Variants in SSBP2 observed in about 807,000 individuals in gnomAD.
The protein encoded by SSBP2 is single-stranded DNA-binding protein 2.
Under a neutral mutation model 61.8 loss-of-function variants are expected in SSBP2, and 17 were observed. That is an observed-to-expected ratio of 0.28 (90% CI 0.19 to 0.41). SSBP2 has a LOEUF of 0.41. SSBP2 is among the 10% of genes least tolerant of loss of function. The pLI is 1.00. For synonymous variants in SSBP2, 139 were observed against 141.3 expected, an observed-to-expected ratio of 0.98 and a Z score of 0.12; for missense variants, 310 against 458.7, an observed-to-expected ratio of 0.68 and a Z score of 2.96.
intron 5 of SSBP2, among the ~76,000 whole-genome samples, chr5:81,501,203 T>C (rs1767688786): frequency 1.0e-5 from 1 of 95,774 alleles, no homozygotes; most frequent in Non-Finnish European, 2.1e-5. Context: ...AGAGGGAGAC[T>C]CCATCTCAAA....
intron 16 of SSBP2, 92 bp downstream of exon 16, chr5:81,428,493 T>TA: frequency 1.2e-6 from 1 of 857,486 alleles, no homozygotes; most frequent in Non-Finnish European, 1.9e-6. Context: ...GAACTCTAGA[T>TA]AAACAGCAGT....
intron 4 of SSBP2, among the ~76,000 whole-genome samples, chr5:81,603,424 T>C (rs1263638511): frequency 2.0e-5 from 3 of 152,202 alleles, no homozygotes; most frequent in Non-Finnish European, 4.4e-5. Flanking sequence ...AGGCTTCTTC[T>C]GACCCAGCCT....
intron 6 of SSBP2, among the ~76,000 whole-genome samples, chr5:81,479,097 A>T (rs992983645): frequency 6.6e-6 from 1 of 152,224 alleles, no homozygotes; most frequent in Admixed American, 6.5e-5. Context: ...CTAACTTTTA[A>T]AACATTTTTA....
chr5:81,445,138 T>TTATACATA (rs1763302055), intron 12 of SSBP2, among the ~76,000 whole-genome samples: 2 of 33,896 alleles, frequency 5.9e-5, no homozygotes, highest in Admixed American at 5.3e-4. Flanking sequence ...AAAAAAAATT[T>TTATACATA]TATATATATA....
At chr5:81,616,567 CAGCCGGGA>C (rs1746063941) in intron 3 of SSBP2, 1 of 148,902 alleles carries the variant, frequency 6.7e-6, no homozygotes, top group African/African-American at 2.5e-5. Context: ...GTAAACAAAG[CAGCCGGGA>C]AGCTCGAACT....
chr5:81,746,462 C>A (rs555734689), intron 1 of SSBP2, among the ~76,000 whole-genome samples: 1 of 152,078 alleles, frequency 6.6e-6, no homozygotes, highest in Admixed American at 6.5e-5. Flanking sequence ...CTTTTCTTGC[C>A]TTATTCCTTC....
intron 5 of SSBP2, among the ~76,000 whole-genome samples, chr5:81,495,736 T>G (rs1767225268): frequency 6.6e-6 from 1 of 152,210 alleles, no homozygotes. Context: ...TGTAGCAATA[T>G]ATAAGTCACC....
At chr5:81,608,696 T>C (rs1190851309) in intron 4 of SSBP2, among the ~76,000 whole-genome samples, 2 of 152,166 alleles carry the variant, frequency 1.3e-5, no homozygotes, top group Admixed American at 6.5e-5. Flanking sequence ...GATTGAGATG[T>C]TGTAAATGAA....
At chr5:81,449,863 G>A (rs576069060) in intron 10 of SSBP2, among the ~76,000 whole-genome samples, 1 of 152,306 alleles carries the variant, frequency 6.6e-6, no homozygotes, top group South Asian at 2.1e-4. Flanking sequence ...ATTCAGCACT[G>A]CAGATGGCCA....
intron 1 of SSBP2, among the ~76,000 whole-genome samples, chr5:81,734,747 A>C (rs1756482923): frequency 1.3e-5 from 2 of 152,240 alleles, no homozygotes; most frequent in African/African-American, 4.8e-5. Flanking sequence ...CGAGGCGGGC[A>C]GATCATGAGG....
At chr5:81,570,330 T>C (rs1773742307) in intron 4 of SSBP2, among the ~76,000 whole-genome samples, 1 of 152,188 alleles carries the variant, frequency 6.6e-6, no homozygotes. Context: ...TACTTTCTGG[T>C]TCATTAGTAA....
intron 1 of SSBP2, among the ~76,000 whole-genome samples, chr5:81,728,130 AC>A (rs1756013765): frequency 6.6e-6 from 1 of 152,184 alleles, no homozygotes. Flanking sequence ...CGTCCTGTGA[AC>A]CACCGTTAGT....
At chr5:81,591,853 G>GAGGAGCCA (rs140981612) in intron 4 of SSBP2, among the ~76,000 whole-genome samples, 10,576 of 152,256 alleles carry the variant, frequency 0.069, 470 homozygotes, top group Non-Finnish European at 0.1. Flanking sequence ...GGACAGAGAG[G>GAGGAGCCA]AGGAGCCAAG....
At position 81,622,641 on chromosome 5, in the gene SSBP2, T is replaced by A. The variant is rs1172825498; in HGVS notation, c.198-7084A>T. 1.3e-5 allele frequency among the ~76,000 whole-genome samples: 2 copies of A among 152,234 alleles called. 1 individual carries two copies. The highest frequency in any genetic ancestry group is 4.1e-4 in the South Asian group (2 of 4,836). On this transcript the variant is annotated intron_variant, in intron 3 of 16. Transcript: ENST00000320672. ...TCATCAACACTATAATTAGTTTGCATGAAAGCTTAAAATGCATATATATTT... is the reference window on the plus strand; with the variant it reads ...TCATCAACACTATAATTAGTTTGCAAGAAAGCTTAAAATGCATATATATTT...
rs558294109 is a variant in SSBP2, at chr5:81,666,317, G to C, written c.63-15978C>G. Among the ~76,000 whole-genome samples the C allele has an allele frequency of 6.2e-4, 95 of 152,168 alleles. 1 individual carries two copies. The South Asian group carries it at 8.5e-3, about 14-fold the overall frequency. Reference sequence around the variant, plus strand: ...TGAACTGAGCATTAGTAATGTTCTAGAACAGGAATAATTGCATTAGTTAAC... The same window carrying C: ...TGAACTGAGCATTAGTAATGTTCTACAACAGGAATAATTGCATTAGTTAAC... On this transcript the variant is annotated intron_variant, in intron 1 of 16. Transcript: ENST00000320672.
chr5:81,608,541 G>T (rs1353946704), intron 4 of SSBP2, among the ~76,000 whole-genome samples: 1 of 152,134 alleles, frequency 6.6e-6, no homozygotes, highest in Non-Finnish European at 1.5e-5. Flanking sequence ...TGAGAATTTG[G>T]AAAACCTAAA....
At chr5:81,535,212 TAATA>T (rs1770718951) in intron 4 of SSBP2, among the ~76,000 whole-genome samples, 1 of 152,100 alleles carries the variant, frequency 6.6e-6, no homozygotes, top group Non-Finnish European at 1.5e-5. Flanking sequence ...GGTATAAATC[TAATA>T]AAATTATGTA....
intron 1 of SSBP2, among the ~76,000 whole-genome samples, chr5:81,702,183 C>A (rs1375042975): frequency 6.6e-6 from 1 of 152,092 alleles, no homozygotes; most frequent in East Asian, 1.9e-4. Context: ...CCAGCCTGGC[C>A]AACATGATGA....
At chr5:81,709,562 T>C (rs1754631438) in intron 1 of SSBP2, among the ~76,000 whole-genome samples, 1 of 151,818 alleles carries the variant, frequency 6.6e-6, no homozygotes, top group Admixed American at 6.6e-5. Flanking sequence ...CATATAAAAG[T>C]GTGACCAAGA....
Sources: allele counts gnomAD v4.1 joint callset (sites outside exome capture counted in the v4.1 genomes callset), GRCh38; gene constraint gnomAD v4.1.1; transcripts MANE v1.5; gene names NCBI Gene and HGNC (gene_info 2026-07-23, HGNC 2026-07-21).